Variants in PPP3CA observed in about 807,000 individuals in gnomAD.
The protein encoded by PPP3CA is CAM-PRP catalytic subunit.
PPP3CA carries 14 observed loss-of-function variants against 66.5 expected under a neutral mutation model. The observed-to-expected ratio is 0.21, with a 90% confidence interval of 0.14 to 0.33. The LOEUF is 0.33. Among genes scored for constraint, PPP3CA ranks in the 10% least tolerant of loss-of-function variants. PPP3CA has a pLI of 1.00. For missense variants in PPP3CA, 317 were observed against 639.5 expected (o/e 0.50, Z 5.44); for synonymous variants, 232 against 226.2 (o/e 1.03, Z -0.23).
At position 101,024,945 on chromosome 4, in the gene PPP3CA, AT is replaced by A. The variant is rs539384846; in HGVS notation, c.*919del. On this transcript the variant is annotated 3_prime_UTR_variant, in exon 14 of 14. Transcript: ENST00000394854. ...TTTCTTAAAAAACATGCATAGGCAG[AT>A]TTTTTTTTTTTTTACAGAATATAGA... 2,555 of 145,224 alleles carry A rather than the reference AT, an allele frequency of 0.018. 52 individuals are homozygous for A. Among genetic ancestry groups the A allele is most frequent in the African/African-American group, 0.053 (2,088 of 39,750 alleles). The allele number at this position is 145,224 out of a possible 1,614,324, so 9.0% of individuals were successfully genotyped here.
intron 11 of PPP3CA, among the ~76,000 whole-genome samples, chr4:101,033,327 CACAG>C (rs1170782507): frequency 7.3e-5 from 10 of 136,536 alleles, no homozygotes; most frequent in African/African-American, 2.5e-4. Flanking sequence ...CACACACACA[CACAG>C]GGAGAGAGTT....
chr4:101,286,978 T>G (rs1727864881), intron 1 of PPP3CA, among the ~76,000 whole-genome samples: 1 of 152,164 alleles, frequency 6.6e-6, no homozygotes, highest in Non-Finnish European at 1.5e-5. Flanking sequence ...TTAACTTTTT[T>G]TGATGAAAAG....
intron 1 of PPP3CA, among the ~76,000 whole-genome samples, chr4:101,301,486 A>G (rs1002549076): frequency 8.9e-5 from 13 of 145,728 alleles, no homozygotes; most frequent in Non-Finnish European, 1.2e-4. Context: ...TATATATAAT[A>G]TATATGTAAT....
intron 1 of PPP3CA, among the ~76,000 whole-genome samples, chr4:101,248,533 A>T (rs551603339): frequency 3.9e-5 from 6 of 152,308 alleles, no homozygotes; most frequent in Non-Finnish European, 8.8e-5. Flanking sequence ...ACATCATATC[A>T]AATTCCACTA....
chr4:101,106,863 G>A (rs1216938002), intron 3 of PPP3CA, among the ~76,000 whole-genome samples: 1 of 152,178 alleles, frequency 6.6e-6, no homozygotes, highest in Non-Finnish European at 1.5e-5. Context: ...ATGGAGCCTA[G>A]GCCCTGGCAC....
intron 6 of PPP3CA, among the ~76,000 whole-genome samples, chr4:101,091,713 A>C (rs1407100427): frequency 6.6e-6 from 1 of 151,772 alleles, no homozygotes; most frequent in Non-Finnish European, 1.5e-5. Context: ...CAGAAGATAC[A>C]CAGCTGGATG....
At position 101,025,453 on chromosome 4, in the gene PPP3CA, C is replaced by G. The variant is rs139481539; in HGVS notation, c.*412G>C. 1 of 153,464 alleles carries G rather than the reference C, an allele frequency of 6.5e-6. No individual in the cohort carries two copies. Among genetic ancestry groups the G allele is most frequent in the Admixed American group, 6.5e-5 (1 of 15,318 alleles). The allele number at this position is 153,464 out of a possible 1,614,324, so 9.5% of individuals were successfully genotyped here. On this transcript the variant is annotated 3_prime_UTR_variant, in exon 14 of 14. Transcript: ENST00000394854. ...CCATTTTTAGTGCTGCGACTGTAAA[C>G]GTACAATAGAGTAAGAAATTAGACA...
rs535570711 is a variant in PPP3CA at position 101,108,582 on chromosome 4, A to G, written c.384+372T>C. ...GGAGTTTGAGATTAGCCTGGCCAACATGGTGAAACTCCATCTCTACTAAAA... is the reference window on the plus strand; with the variant it reads ...GGAGTTTGAGATTAGCCTGGCCAACGTGGTGAAACTCCATCTCTACTAAAA... On this transcript the variant is annotated intron_variant, in intron 3 of 13. Transcript: ENST00000394854. 8.5e-5 allele frequency among the ~76,000 whole-genome samples: 13 copies of G among 152,284 alleles called. No individual in the cohort carries two copies. The East Asian group carries it at 1.2e-3, about 14-fold the overall frequency.
chr4:101,118,432 T>C (rs1313928872), intron 2 of PPP3CA, among the ~76,000 whole-genome samples: 1 of 152,032 alleles, frequency 6.6e-6, no homozygotes, highest in East Asian at 1.9e-4. Flanking sequence ...TAATTGAACA[T>C]CATTTACTTT....
intron 1 of PPP3CA, among the ~76,000 whole-genome samples, chr4:101,278,937 A>AT (rs1727597151): frequency 6.6e-6 from 1 of 152,176 alleles, no homozygotes; most frequent in Non-Finnish European, 1.5e-5. Context: ...ATGCAGGCCC[A>AT]TTTTTAAATA....
At chr4:101,124,754 A>C (rs958436062) in intron 2 of PPP3CA, among the ~76,000 whole-genome samples, 1 of 124,804 alleles carries the variant, frequency 8.0e-6, no homozygotes, top group African/African-American at 3.5e-5. Flanking sequence ...AAAGAAAGAA[A>C]GAAAGAAAGA....
In PPP3CA at chr4:101,026,136, G is replaced by A. The variant is rs1726638199; in HGVS notation, c.1370-75C>T. 7 of 1,300,874 alleles carry A rather than the reference G, an allele frequency of 5.4e-6. No homozygotes were observed. The Admixed American group carries it at 9.5e-5, about 18-fold the overall frequency. 80.6% of individuals were successfully genotyped at this position (1,300,874 alleles called of 1,614,324 possible). ...ACAAAGGGCACAGCTGTTGCAGCAG[G>A]TGATGTTAGAGATTTCTCAGTGAGA... On this transcript the variant is annotated intron_variant, in intron 13 of 13. Coordinates refer to ENST00000394854, the MANE Select transcript of PPP3CA (RefSeq NM_000944.5).
intron 2 of PPP3CA, among the ~76,000 whole-genome samples, chr4:101,122,972 C>T (rs1158063317): frequency 6.6e-6 from 1 of 152,110 alleles, no homozygotes; most frequent in African/African-American, 2.4e-5. Context: ...AGGGGCCAAA[C>T]AGAACATTCT....
chr4:101,187,746 T>TA (rs1724459661), intron 2 of PPP3CA, among the ~76,000 whole-genome samples: 2 of 152,078 alleles, frequency 1.3e-5, no homozygotes, highest in South Asian at 4.1e-4. Flanking sequence ...AAATGAAAAA[T>TA]ATGTAACTAG....
chr4:101,148,670 T>G (rs2110296743), intron 2 of PPP3CA, among the ~76,000 whole-genome samples: 1 of 152,252 alleles, frequency 6.6e-6, no homozygotes, highest in East Asian at 1.9e-4. Flanking sequence ...ATTCCGATAG[T>G]GCTTTAAGAT....
intron 11 of PPP3CA, among the ~76,000 whole-genome samples, chr4:101,035,255 C>T (rs962461792): frequency 1.2e-4 from 18 of 151,850 alleles, no homozygotes; most frequent in Non-Finnish European, 2.2e-4. Context: ...AGCGCAAGAG[C>T]GAGACCGTCT....
chr4:101,041,429 A>ATTTTTTTTTTTTTTTTTTTTTTTTTTT (rs11296247), intron 10 of PPP3CA, among the ~76,000 whole-genome samples: 1 of 86,154 alleles, frequency 1.2e-5, no homozygotes, highest in Non-Finnish European at 2.2e-5. Flanking sequence ...TACCTCACAA[A>ATTTTTTTTTTTTTTTTTTTTTTTTTTT]TTTTTTTTTT....
At chr4:101,346,657 G>T in intron 1 of PPP3CA, 82 bp downstream of exon 1, 1 of 1,179,462 alleles carries the variant, frequency 8.5e-7, no homozygotes, top group Non-Finnish European at 1.2e-6. Context: ...GGGCGGGGGA[G>T]GGGAGGAAAG....
At chr4:101,068,334 G>A (rs977865916) in intron 8 of PPP3CA, among the ~76,000 whole-genome samples, 7 of 152,154 alleles carry the variant, frequency 4.6e-5, no homozygotes, top group Non-Finnish European at 7.4e-5. Flanking sequence ...ACTAGCATCA[G>A]TGTGTTCTTT....
Sources: allele counts gnomAD v4.1 joint callset (sites outside exome capture counted in the v4.1 genomes callset), GRCh38; gene constraint gnomAD v4.1.1; transcripts MANE v1.5; gene names NCBI Gene and HGNC (gene_info 2026-07-23, HGNC 2026-07-21).